The following SLCO1B1 variants were observed in gnomAD, a reference collection of about 807,000 sequenced individuals.
SLCO1B1 encodes the protein OATP-2.
In SLCO1B1, 81 loss-of-function variants were observed where a neutral mutation model predicts 70.1. The observed-to-expected ratio is 1.16, with a 90% CI of 0.97 to 1.39. SLCO1B1 has a LOEUF of 1.39. SLCO1B1 is among the 40% of genes most tolerant of loss of function. The pLI is 0.00. For missense variants in SLCO1B1, 895 were observed against 799.6 expected, an observed-to-expected ratio of 1.12 and a Z score of -1.44; for synonymous variants, 283 against 271.5, an observed-to-expected ratio of 1.04 and a Z score of -0.42.
At chr12:21,174,960 T>G (rs1565673225) in intron 4 of SLCO1B1, among the ~76,000 whole-genome samples, 1 of 152,188 alleles carries the variant, frequency 6.6e-6, no homozygotes, top group Non-Finnish European at 1.5e-5. Context: ...TTTTATGAAT[T>G]TTTAGTATAA....
chr12:21,152,533 C>CTTTATTTTTTTTTT (rs1940485182), intron 2 of SLCO1B1, among the ~76,000 whole-genome samples: 1 of 34,358 alleles, frequency 2.9e-5, no homozygotes, highest in Non-Finnish European at 5.2e-5. Flanking sequence ...AGAGGAGAGG[C>CTTTATTTTTTTTTT]TTTTTTTTTT....
intron 14 of SLCO1B1, among the ~76,000 whole-genome samples, chr12:21,228,924 A>G (rs933299062): frequency 6.6e-6 from 1 of 151,890 alleles, no homozygotes. Context: ...GACTTACCAC[A>G]TTGTAGCTAA....
chr12:21,202,679 T>C lies in SLCO1B1; in HGVS notation c.1324T>C (p.Tyr442His). The C allele has an allele frequency of 6.2e-7, 1 of 1,610,200 alleles. No individual in the cohort carries two copies. Among genetic ancestry groups the C allele is most frequent in the Non-Finnish European group, 8.5e-7 (1 of 1,177,510 alleles). The change falls in exon 10 of 15, where the codon TAT becomes CAT. Residue 442 changes from tyrosine (Y) to histidine (H), a missense_variant. Tyr to His is a moderately conservative substitution (Grantham distance 83, BLOSUM62 2). Coordinates refer to ENST00000256958, the MANE Select transcript of SLCO1B1 (RefSeq NM_006446.5). ...NKSVAGLTMTYDGNNPVTSHR... is the reference protein window; with the variant it reads ...NKSVAGLTMTHDGNNPVTSHR... ...ATCAGTTGCCGGACTAACCATGACC[T>C]ATGATGGGTTTGTATATATCACTAT...
intron 1 of SLCO1B1, among the ~76,000 whole-genome samples, chr12:21,137,446 C>T (rs1000555360): frequency 6.6e-6 from 1 of 152,206 alleles, no homozygotes. Context: ...CCTACAGAGG[C>T]AGGCAGGTGT....
intron 11 of SLCO1B1, among the ~76,000 whole-genome samples, chr12:21,206,716 C>T (rs555006627): frequency 3.2e-4 from 48 of 151,966 alleles, no homozygotes; most frequent in African/African-American, 1.1e-3. Flanking sequence ...CTCTAATCTC[C>T]TGGGTAGCTA....
At chr12:21,184,415 CTT>C (rs899168255) in intron 7 of SLCO1B1, among the ~76,000 whole-genome samples, 320 of 152,214 alleles carry the variant, frequency 2.1e-3, no homozygotes, top group African/African-American at 7.5e-3. Context: ...TGCAGAACAC[CTT>C]TGAGCAAAAA....
At position 21,178,950 on chromosome 12, in the gene SLCO1B1, T is replaced by C. The variant is rs1940857736; in HGVS notation, c.657T>C (p.Gly219=). The part of the protein sequence containing the change: ...LGILNAIAMI[G]PIIGFTLGSL... ...TATTGAATGCAATAGCAATGATTGG[T>C]CCAATCATTGGCTTTACCCTGGGAT... Residue 219 remains glycine (G), a synonymous_variant, in exon 7 of 15, where the codon GGT becomes GGC. Transcript: ENST00000256958. 6.2e-7 allele frequency: 1 copy of C among 1,609,460 alleles called. No homozygotes were observed. The highest frequency in any genetic ancestry group is 8.5e-7 in the Non-Finnish European group (1 of 1,176,156).
intron 2 of SLCO1B1, among the ~76,000 whole-genome samples, chr12:21,155,331 A>T (rs1940529099): frequency 6.6e-6 from 1 of 151,926 alleles, no homozygotes; most frequent in Non-Finnish European, 1.5e-5. Context: ...TTAAGCCCAT[A>T]TATTATTTTA....
chr12:21,182,910 G>A (rs923105169), intron 7 of SLCO1B1, among the ~76,000 whole-genome samples: 4 of 152,214 alleles, frequency 2.6e-5, no homozygotes, highest in African/African-American at 9.7e-5. Context: ...CAGGAAGGCT[G>A]TGTCCTGTCT....
At chr12:21,188,532 T>C (rs1287921111) in intron 7 of SLCO1B1, among the ~76,000 whole-genome samples, 1 of 152,170 alleles carries the variant, frequency 6.6e-6, no homozygotes, top group East Asian at 1.9e-4. Flanking sequence ...GCCAAAGTCA[T>C]GTAGAATTGT....
At chr12:21,225,360 A>C (rs562335058) in intron 14 of SLCO1B1, among the ~76,000 whole-genome samples, 1 of 152,284 alleles carries the variant, frequency 6.6e-6, no homozygotes, top group South Asian at 2.1e-4. Flanking sequence ...ATATTCCGTA[A>C]GTGACATGAA....
chr12:21,176,077 G>C (rs1353623807), intron 4 of SLCO1B1, among the ~76,000 whole-genome samples: 1 of 151,992 alleles, frequency 6.6e-6, no homozygotes, highest in Non-Finnish European at 1.5e-5. Flanking sequence ...AAGCAAAGTT[G>C]ATCATATCCT....
rs78553766 is a variant in SLCO1B1, at chr12:21,225,262, A to G, written c.1865+423A>G. On this transcript the variant is annotated intron_variant, in intron 14 of 14. Coordinates refer to ENST00000256958, the MANE Select transcript of SLCO1B1 (RefSeq NM_006446.5). ...TTGCCTCTGACTTCTCTAGAAAGAAACAGAATGACTAGCTGGGGCTCTGGT... is the reference window on the plus strand; with the variant it reads ...TTGCCTCTGACTTCTCTAGAAAGAAGCAGAATGACTAGCTGGGGCTCTGGT... Among the ~76,000 whole-genome samples the G allele has an allele frequency of 1.5e-3, 223 of 152,298 alleles. 3 individuals carry two copies. Among genetic ancestry groups the G allele is most frequent in the African/African-American group, 5.1e-3 (210 of 41,568 alleles).
intron 5 of SLCO1B1, among the ~76,000 whole-genome samples, chr12:21,177,294 G>C (rs1940834637): frequency 6.6e-6 from 1 of 152,076 alleles, no homozygotes; most frequent in Non-Finnish European, 1.5e-5. Context: ...TTTAGAAGTA[G>C]ATCAGAAAAG....
intron 1 of SLCO1B1, among the ~76,000 whole-genome samples, chr12:21,133,342 A>C (rs1940168804): frequency 6.6e-6 from 1 of 152,110 alleles, no homozygotes; most frequent in African/African-American, 2.4e-5. Context: ...TATGAACTTT[A>C]AAGTAGTTTT....
chr12:21,151,128 T>G (rs951202063), intron 2 of SLCO1B1, among the ~76,000 whole-genome samples: 2 of 152,204 alleles, frequency 1.3e-5, no homozygotes, highest in Non-Finnish European at 2.9e-5. Context: ...ACCTGTACAT[T>G]ATTGTAGTTT....
intron 1 of SLCO1B1, among the ~76,000 whole-genome samples, chr12:21,136,724 C>A (rs929065173): frequency 1.3e-5 from 2 of 152,090 alleles, no homozygotes; most frequent in Non-Finnish European, 2.9e-5. Context: ...TTCTAGTTAT[C>A]CATTTGTCTG....
chr12:21,175,798 C>T (rs1412793408), intron 4 of SLCO1B1, among the ~76,000 whole-genome samples: 4 of 151,756 alleles, frequency 2.6e-5, no homozygotes, highest in African/African-American at 9.7e-5. Context: ...CCTTTTTAAT[C>T]TTTATTTATG....
In SLCO1B1 at chr12:21,194,262, C is replaced by A. The variant is rs753539647; in HGVS notation, c.728-2684C>A. Reference sequence around the variant, plus strand: ...AAACTCCCGACCTCAGATGATCCACCCGTCTCAGCCTCCCAAAGTGCTGGG... The same window carrying A: ...AAACTCCCGACCTCAGATGATCCACACGTCTCAGCCTCCCAAAGTGCTGGG... On this transcript the variant is annotated intron_variant, in intron 7 of 14. Coordinates refer to ENST00000256958, the MANE Select transcript of SLCO1B1 (RefSeq NM_006446.5). 3.5e-4 allele frequency among the ~76,000 whole-genome samples: 54 copies of A among 152,146 alleles called. 1 individual carries two copies. Among genetic ancestry groups the A allele is most frequent in the Admixed American group, 3.1e-3 (47 of 15,266 alleles).
Sources: allele counts gnomAD v4.1 joint callset (sites outside exome capture counted in the v4.1 genomes callset), GRCh38; gene constraint gnomAD v4.1.1; transcripts MANE v1.5; gene names NCBI Gene and HGNC (gene_info 2026-07-23, HGNC 2026-07-21).